Variants in NALCN observed in about 807,000 individuals in gnomAD.
NALCN encodes sodium leak channel NALCN.
NALCN carries 111 observed loss-of-function variants against 225.3 expected under a neutral mutation model. The observed-to-expected ratio is 0.49, with a 90% confidence interval of 0.42 to 0.58. The LOEUF is 0.58. Ranked by LOEUF, NALCN falls within the 20% of genes least tolerant of loss-of-function variation. The pLI is 0.00. For synonymous variants in NALCN, 764 were observed against 769.0 expected, an observed-to-expected ratio of 0.99 and a Z score of 0.11; for missense variants, 1,378 against 2,202.4, an observed-to-expected ratio of 0.63 and a Z score of 7.49.
rs2139420194 is a variant in NALCN at position 101,376,776 on chromosome 13, G to A, written c.568C>T (p.Leu190Phe). ...SVSIFLLFFLLLYGILGVQMF... is the reference protein window; with the variant it reads ...SVSIFLLFFLFLYGILGVQMF... ...TGAACTCCTAAAATTCCATAAAGAAGTAGAAAGAAAAGTAGAAAAATGGAA... is the reference window on the plus strand; with the variant it reads ...TGAACTCCTAAAATTCCATAAAGAAATAGAAAGAAAAGTAGAAAAATGGAA... The change falls in exon 6 of 44, where the codon CTT (leucine) becomes TTT (phenylalanine). Residue 190 changes from leucine to phenylalanine, a missense_variant. Physicochemically the swap from Leu to Phe is conservative, Grantham distance 22. Around this residue, in one of 19 missense-constraint regions of NALCN, gnomAD observed 14 missense variants for 58.2 expected, o/e 0.24. Transcript: ENST00000251127. 1 of 1,613,634 alleles carries A rather than the reference G, an allele frequency of 6.2e-7. No homozygotes were observed. The highest frequency in any genetic ancestry group is 8.5e-7 in the Non-Finnish European group (1 of 1,179,862).
intron 37 of NALCN, among the ~76,000 whole-genome samples, chr13:101,070,641 C>CTACTT (rs1359109443): frequency 6.6e-6 from 1 of 152,174 alleles, no homozygotes; most frequent in Non-Finnish European, 1.5e-5. Flanking sequence ...ATGAGCAGTA[C>CTACTT]TACTTTGAAA....
intron 15 of NALCN, among the ~76,000 whole-genome samples, chr13:101,146,402 G>A (rs1342600116): frequency 6.6e-6 from 1 of 152,150 alleles, no homozygotes; most frequent in Non-Finnish European, 1.5e-5. Flanking sequence ...TTATGATGAT[G>A]ACAATGGTAA....
chr13:101,416,966 CG>C (rs2047964858), upstream of NALCN, among the ~76,000 whole-genome samples: 1 of 151,874 alleles, frequency 6.6e-6, no homozygotes, highest in South Asian at 2.1e-4. Context: ...AGTTTCACCC[CG>C]GAGTTATTAA....
At chr13:101,232,949 T>C (rs1160622418) in intron 12 of NALCN, among the ~76,000 whole-genome samples, 1 of 152,120 alleles carries the variant, frequency 6.6e-6, no homozygotes, top group Admixed American at 6.6e-5. Flanking sequence ...AGTACCTAAC[T>C]GTAAACAGCT....
intron 34 of NALCN, among the ~76,000 whole-genome samples, chr13:101,078,575 C>T (rs2033416889): frequency 6.6e-6 from 1 of 152,142 alleles, no homozygotes; most frequent in Non-Finnish European, 1.5e-5. Context: ...GCCAATTTCT[C>T]CCATTTGGAA....
intron 3 of NALCN, among the ~76,000 whole-genome samples, chr13:101,385,833 C>T (rs2046971814): frequency 6.6e-6 from 1 of 152,150 alleles, no homozygotes; most frequent in Non-Finnish European, 1.5e-5. Context: ...CTACCCTGCT[C>T]CAACACAGTT....
At chr13:101,121,976 A>AT (rs2036000773) in intron 18 of NALCN, among the ~76,000 whole-genome samples, 1 of 148,856 alleles carries the variant, frequency 6.7e-6, no homozygotes, top group African/African-American at 2.5e-5. Context: ...TTTAAAAAAA[A>AT]TTCTTTTTCT....
At chr13:101,181,093 A>G (rs1241950603) in intron 14 of NALCN, 2 of 518,808 alleles carry the variant, frequency 3.9e-6, no homozygotes, top group Non-Finnish European at 7.7e-6. Context: ...TCCGAACACT[A>G]CTTATCGAAG....
chr13:101,342,222 A>G (rs115186172), intron 7 of NALCN, among the ~76,000 whole-genome samples: 1,568 of 152,240 alleles, frequency 0.01, 26 homozygotes, highest in African/African-American at 0.036. Flanking sequence ...TCACCTGGAG[A>G]GCCTTTAAAA....
At chr13:101,345,568 G>A (rs2045692727) in intron 6 of NALCN, 148 bp from the exon 7 acceptor site, 1 of 897,488 alleles carries the variant, frequency 1.1e-6, no homozygotes, top group Non-Finnish European at 1.6e-6. Context: ...GGGAGGCATA[G>A]GCAGGAGAAT....
chr13:101,056,689 C>G (rs1459290801), intron 43 of NALCN, among the ~76,000 whole-genome samples: 1 of 152,020 alleles, frequency 6.6e-6, no homozygotes, highest in African/African-American at 2.4e-5. Context: ...CTGTCCATGC[C>G]TTTGTTGCCT....
rs773376286 is a variant in NALCN, at chr13:101,103,192, C to T, written c.3037G>A (p.Gly1013Ser). Residue 1013 changes from glycine (G) to serine (S), a missense_variant, in exon 26 of 44, where the codon GGC becomes AGC. By Grantham distance (56) the Gly-to-Ser change is moderately conservative. This residue lies in a region of NALCN where 292 missense variants were observed against 409.5 expected (regional missense o/e 0.71). Transcript: ENST00000251127. Reference sequence around the variant, plus strand: ...CATACCAAAAAAATTTCCTTGAAGCCGCTGAAAAGTTCTCGAACAACTTTC... The same window carrying T: ...CATACCAAAAAAATTTCCTTGAAGCTGCTGAAAAGTTCTCGAACAACTTTC... ...MRKVVRELFS[G>S]FKEIFLVSIL... 10 of 1,613,082 alleles carry T rather than the reference C, an allele frequency of 6.2e-6. No individual in the cohort carries two copies. Among genetic ancestry groups the T allele is most frequent in the East Asian group, 2.2e-5 (1 of 44,868 alleles).
chr13:101,271,754 GGT>G lies in NALCN; in HGVS notation c.1134+12177_1134+12178del, dbSNP rs199551579. On this transcript the variant is annotated intron_variant, in intron 10 of 43. Coordinates refer to ENST00000251127, the MANE Select transcript of NALCN (RefSeq NM_052867.4). ...TCACTGTGTCACTGAGTATGCGTGA[GGT>G]GTGTGTGTGTATAAGCGTGTGTATG... Among the ~76,000 whole-genome samples the G allele has an allele frequency of 1.4e-3, 210 of 151,438 alleles. 3 individuals are homozygous for G. Among genetic ancestry groups the G allele is most frequent in the South Asian group, 0.014 (66 of 4,762 alleles).
At chr13:101,183,712 G>A (rs1299964606) in intron 14 of NALCN, among the ~76,000 whole-genome samples, 1 of 151,998 alleles carries the variant, frequency 6.6e-6, no homozygotes, top group Non-Finnish European at 1.5e-5. Context: ...CACCCGCCTC[G>A]GCCTCCCAAA....
At chr13:101,339,000 C>T (rs983461300) in intron 7 of NALCN, among the ~76,000 whole-genome samples, 3 of 152,196 alleles carry the variant, frequency 2.0e-5, no homozygotes, top group African/African-American at 7.2e-5. Context: ...CAGCTCTAAA[C>T]TTCTGTAATT....
At chr13:101,286,368 G>A (rs1324298682) in intron 9 of NALCN, among the ~76,000 whole-genome samples, 1 of 152,136 alleles carries the variant, frequency 6.6e-6, no homozygotes. Context: ...AGGACTATAG[G>A]ATGCAAGCAG....
At chr13:101,278,577 A>G (rs2043041786) in intron 10 of NALCN, among the ~76,000 whole-genome samples, 3 of 151,526 alleles carry the variant, frequency 2.0e-5, no homozygotes. Context: ...CAATGATGCT[A>G]TTCCTAACAC....
At chr13:101,095,807 G>A in intron 27 of NALCN, 127 bp from the exon 28 acceptor site, 3 of 716,416 alleles carry the variant, frequency 4.2e-6, no homozygotes, top group Non-Finnish European at 6.9e-6. Context: ...ACAGTGATGT[G>A]GACAGCTACC....
intron 17 of NALCN, among the ~76,000 whole-genome samples, chr13:101,132,698 A>C (rs1248340782): frequency 6.6e-6 from 1 of 152,152 alleles, no homozygotes; most frequent in Non-Finnish European, 1.5e-5. Context: ...AATAAATTGC[A>C]AAATTATTAC....
Sources: gnomAD v4.1 joint callset for allele counts (sites outside exome capture counted in the v4.1 genomes callset) on GRCh38, gnomAD v4.1.1 for gene constraint, gnomAD v4.1.1 regional missense constraint, MANE v1.5 for transcripts, NCBI Gene and HGNC (gene_info 2026-07-23, HGNC 2026-07-21) for gene names.